The following DCLK2 variants were observed in gnomAD, a reference collection of about 807,000 sequenced individuals.
DCLK2 encodes the protein doublecortin like kinase 2.
In DCLK2, 31 loss-of-function variants were observed where a neutral mutation model predicts 78.4. The ratio of observed to expected loss-of-function variants is 0.40; its 90% confidence interval spans 0.30 to 0.53. The LOEUF (loss-of-function observed/expected upper bound fraction) is 0.53. Ranked by LOEUF, DCLK2 falls within the 20% of genes least tolerant of loss-of-function variation. DCLK2 has a pLI of 0.61. For missense variants in DCLK2, 872 were observed against 973.7 expected (o/e 0.90, Z 1.39); for synonymous variants, 407 against 374.9 (o/e 1.09, Z -0.99).
At chr4:150,235,114 C>G (rs534846846) in intron 10 of DCLK2, among the ~76,000 whole-genome samples, 8 of 152,304 alleles carry the variant, frequency 5.3e-5, no homozygotes, top group African/African-American at 1.9e-4. Flanking sequence ...CAAGGAACCC[C>G]TGCAGCCAGT....
At chr4:150,112,775 A>C (rs1007409868) in intron 2 of DCLK2, among the ~76,000 whole-genome samples, 1 of 151,184 alleles carries the variant, frequency 6.6e-6, no homozygotes, top group Non-Finnish European at 1.5e-5. Context: ...ATGCCTGGGG[A>C]TGAAACCCAC....
intron 2 of DCLK2, among the ~76,000 whole-genome samples, chr4:150,145,500 G>A (rs753994660): frequency 2.6e-5 from 4 of 152,172 alleles, no homozygotes; most frequent in Non-Finnish European, 5.9e-5. Context: ...AAGCCCAAGT[G>A]TTGGCAGAAA....
chr4:150,221,972 G>T (rs892962852), intron 7 of DCLK2, among the ~76,000 whole-genome samples, 187 bp downstream of exon 7: 1 of 150,296 alleles, frequency 6.7e-6, no homozygotes, highest in African/African-American at 2.5e-5. Flanking sequence ...TTGTTTGTTT[G>T]TTTGTTTATT....
At position 150,232,772 on chromosome 4, in the gene DCLK2, A is replaced by T; in HGVS notation, c.1510A>T (p.Arg504Trp). The T allele has an allele frequency of 6.2e-7, 1 of 1,614,162 alleles. No individual in the cohort carries two copies. Among genetic ancestry groups the T allele is most frequent in the Non-Finnish European group, 8.5e-7 (1 of 1,180,010 alleles). Residue 504 changes from arginine (R) to tryptophan (W), a missense_variant, in exon 10 of 16, where the codon AGG becomes TGG. Transcript: ENST00000296550. ...GGTGTACAACTTAGCCAATGCCCTC[A>T]GGTATCTCCATGGCCTCAGCATCGT... ...AMVYNLANAL[R>W]YLHGLSIVHR... is the part of the protein sequence containing the mutation.
intron 2 of DCLK2, among the ~76,000 whole-genome samples, chr4:150,188,904 CAAAAAAAA>C (rs59096633): frequency 1.1e-5 from 1 of 94,124 alleles, no homozygotes. Flanking sequence ...GACTCTGTCT[CAAAAAAAA>C]AAAAAAAAAA....
At chr4:150,206,891 A>G (rs998476490) in intron 5 of DCLK2, among the ~76,000 whole-genome samples, 2 of 152,166 alleles carry the variant, frequency 1.3e-5, no homozygotes, top group African/African-American at 2.4e-5. Context: ...AAATAATGCA[A>G]TTTAGTCAGG....
At chr4:150,106,117 AT>A (rs1731233221) in intron 2 of DCLK2, among the ~76,000 whole-genome samples, 1 of 152,196 alleles carries the variant, frequency 6.6e-6, no homozygotes, top group Non-Finnish European at 1.5e-5. Context: ...GAAAAATTAG[AT>A]TTAATTTTTG....
intron 2 of DCLK2, 139 bp downstream of exon 2, chr4:150,102,951 G>A: frequency 4.2e-6 from 3 of 720,238 alleles, no homozygotes; most frequent in East Asian, 2.9e-5. Context: ...GTGTGTGTGT[G>A]TATGTGTGTG....
At chr4:150,135,716 G>A (rs572885017) in intron 2 of DCLK2, among the ~76,000 whole-genome samples, 2 of 152,224 alleles carry the variant, frequency 1.3e-5, no homozygotes, top group Non-Finnish European at 2.9e-5. Context: ...ATAAGACAAA[G>A]TGTCTGCTCT....
intron 2 of DCLK2, among the ~76,000 whole-genome samples, chr4:150,150,993 A>G (rs1474731011): frequency 6.6e-6 from 1 of 152,210 alleles, no homozygotes; most frequent in African/African-American, 2.4e-5. Flanking sequence ...TCTTGCAGGG[A>G]AGGCTTCTCT....
At position 150,102,955 on chromosome 4, in the gene DCLK2, G is replaced by A. The variant is rs201215571; in HGVS notation, c.756+143G>A. ...CTTGAGATTGTGTGTGTGTGTGTAT[G>A]TGTGTGTGTGTGTATGTATGTAAAA... On this transcript the variant is annotated intron_variant, in intron 2 of 15. Coordinates refer to ENST00000296550, the MANE Select transcript of DCLK2 (RefSeq NM_001040260.4). 2.9e-4 allele frequency: 68 copies of A among 232,746 alleles called. No individual in the cohort carries two copies. The highest frequency in any genetic ancestry group is 3.9e-4 in the Non-Finnish European group (49 of 126,036). The allele number at this position is 232,746 out of a possible 1,614,324, so 14.4% of individuals were successfully genotyped here. A position where few individuals can be genotyped will look rare whatever the true frequency, so the allele number is the denominator to read the frequency against.
chr4:150,104,414 A>AAAAAAAAAAAAAAAAAAAAAAAC (rs1731101696), intron 2 of DCLK2, among the ~76,000 whole-genome samples: 1 of 149,902 alleles, frequency 6.7e-6, no homozygotes, highest in Non-Finnish European at 1.5e-5. Context: ...AAAAAAAAAA[A>AAAAAAAAAAAAAAAAAAAAAAAC]AAAAAAAAAT....
chr4:150,227,095 A>G (rs1741677400), intron 8 of DCLK2, among the ~76,000 whole-genome samples: 1 of 152,228 alleles, frequency 6.6e-6, no homozygotes, highest in African/African-American at 2.4e-5. Flanking sequence ...CTCAGATTAA[A>G]TAGCTTCCAA....
intron 2 of DCLK2, among the ~76,000 whole-genome samples, chr4:150,122,833 A>G (rs896228882): frequency 1.3e-5 from 2 of 152,218 alleles, no homozygotes; most frequent in Non-Finnish European, 2.9e-5. Context: ...CAGCTTTTTC[A>G]TCAGTACTCG....
chr4:150,168,293 G>A (rs1317021944), intron 2 of DCLK2, among the ~76,000 whole-genome samples: 3 of 151,360 alleles, frequency 2.0e-5, no homozygotes, highest in African/African-American at 7.3e-5. Flanking sequence ...CTTGCAGTGA[G>A]CCGAGATCGT....
At chr4:150,111,378 T>C (rs1327104850) in intron 2 of DCLK2, among the ~76,000 whole-genome samples, 1 of 152,212 alleles carries the variant, frequency 6.6e-6, no homozygotes, top group Non-Finnish European at 1.5e-5. Context: ...TTCTGGGTAT[T>C]GGTCCTTTGT....
intron 10 of DCLK2, among the ~76,000 whole-genome samples, chr4:150,234,888 T>C (rs1742365484): frequency 6.6e-6 from 1 of 152,152 alleles, no homozygotes. Flanking sequence ...TCTCGCCCAT[T>C]GGGACCTTGC....
intron 2 of DCLK2, among the ~76,000 whole-genome samples, chr4:150,186,971 A>C (rs1289306754): frequency 6.6e-6 from 1 of 151,920 alleles, no homozygotes; most frequent in Non-Finnish European, 1.5e-5. Context: ...GCAAATAATG[A>C]TTGCATTAGA....
At chr4:150,117,213 C>T (rs759452323) in intron 2 of DCLK2, among the ~76,000 whole-genome samples, 4 of 152,092 alleles carry the variant, frequency 2.6e-5, no homozygotes, top group South Asian at 2.1e-4. Flanking sequence ...GTAGAAGAAT[C>T]TGCCTGGGGA....
Sources: gnomAD v4.1 joint callset for allele counts (sites outside exome capture counted in the v4.1 genomes callset) on GRCh38, gnomAD v4.1.1 for gene constraint, MANE v1.5 for transcripts, NCBI Gene and HGNC (gene_info 2026-07-23, HGNC 2026-07-21) for gene names.